The following BCL2L13 variants were observed in gnomAD, a reference collection of about 807,000 sequenced individuals.
BCL2L13 encodes the protein bcl-2-like protein 13.
BCL2L13 carries 13 observed loss-of-function variants against 25.8 expected under a neutral mutation model. That is an observed-to-expected ratio of 0.50 (90% CI 0.33 to 0.80). The LOEUF (loss-of-function observed/expected upper bound fraction) is 0.80. BCL2L13 is among the 30% of genes least tolerant of loss of function. The pLI, the probability that BCL2L13 is intolerant of heterozygous loss-of-function variation, is 0.02. For synonymous variants in BCL2L13, 244 were observed against 230.3 expected, an observed-to-expected ratio of 1.06 and a Z score of -0.54; for missense variants, 504 against 574.9, an observed-to-expected ratio of 0.88 and a Z score of 1.26.
chr22:17,652,085 G>A (rs900296347), intron 1 of BCL2L13, among the ~76,000 whole-genome samples: 8 of 152,126 alleles, frequency 5.3e-5, no homozygotes, highest in Non-Finnish European at 1.5e-5. Context: ...CTCAACTTAT[G>A]GTGGGGTTAC....
intron 6 of BCL2L13, among the ~76,000 whole-genome samples, chr22:17,722,015 A>G (rs1324221924): frequency 6.6e-6 from 1 of 152,186 alleles, no homozygotes; most frequent in Non-Finnish European, 1.5e-5. Flanking sequence ...GAAATAACTC[A>G]TAATGGTTTG....
intron 2 of BCL2L13, among the ~76,000 whole-genome samples, chr22:17,676,709 TATA>T (rs567915506): frequency 1.3e-5 from 2 of 152,196 alleles, no homozygotes; most frequent in Non-Finnish European, 2.9e-5. Flanking sequence ...CTTGTGCAGT[TATA>T]TTAATCAGTG....
At chr22:17,681,302 C>G (rs1365120133) in intron 2 of BCL2L13, among the ~76,000 whole-genome samples, 1 of 151,846 alleles carries the variant, frequency 6.6e-6, no homozygotes, top group Admixed American at 6.6e-5. Context: ...GCCAGGAGAT[C>G]GAGACCATCC....
At chr22:17,700,735 G>A (rs574087135) in intron 5 of BCL2L13, among the ~76,000 whole-genome samples, 67 of 152,292 alleles carry the variant, frequency 4.4e-4, no homozygotes, top group African/African-American at 1.6e-3. Flanking sequence ...TGTTAAGAAG[G>A]AGTTTTCAAT....
chr22:17,669,933 GT>G (rs1374602178), intron 2 of BCL2L13, among the ~76,000 whole-genome samples: 1 of 152,242 alleles, frequency 6.6e-6, no homozygotes, highest in South Asian at 2.1e-4. Context: ...AAACTATCCA[GT>G]TTCAGGTATT....
At chr22:17,662,825 TAAAAATA>T (rs1475029279) in intron 2 of BCL2L13, among the ~76,000 whole-genome samples, 1 of 152,086 alleles carries the variant, frequency 6.6e-6, no homozygotes. Flanking sequence ...AAAATAAAAA[TAAAAATA>T]AAATAAATAA....
chr22:17,641,945 G>A (rs1471555856), intron 1 of BCL2L13, among the ~76,000 whole-genome samples: 1 of 151,366 alleles, frequency 6.6e-6, no homozygotes. Context: ...GACTACAGGC[G>A]CCCGCCACCA....
intron 4 of BCL2L13, among the ~76,000 whole-genome samples, chr22:17,691,372 C>A (rs73378738): frequency 6.6e-6 from 1 of 152,066 alleles, no homozygotes; most frequent in Non-Finnish European, 1.5e-5. Context: ...CCTGGCTGGG[C>A]GCGGTGGCTC....
chr22:17,684,774 C>G (rs1568970394), intron 3 of BCL2L13: 2 of 353,592 alleles, frequency 5.7e-6, no homozygotes, highest in Non-Finnish European at 1.1e-5. Context: ...GGCTCTTTGC[C>G]CAGGCTGGAG....
intron 6 of BCL2L13, among the ~76,000 whole-genome samples, chr22:17,710,557 G>C (rs1217244989): frequency 6.6e-6 from 1 of 151,924 alleles, no homozygotes; most frequent in South Asian, 2.1e-4. Context: ...TCCAGCCTGG[G>C]TGACAGAGCA....
At chr22:17,707,277 ATTAC>A (rs894298197) in intron 6 of BCL2L13, among the ~76,000 whole-genome samples, 4 of 152,090 alleles carry the variant, frequency 2.6e-5, no homozygotes, top group Admixed American at 2.6e-4. Context: ...TGGGTGGAAA[ATTAC>A]TTCTCTGTAA....
chr22:17,671,494 G>A (rs1000311934), intron 2 of BCL2L13, among the ~76,000 whole-genome samples: 3 of 151,438 alleles, frequency 2.0e-5, no homozygotes, highest in Admixed American at 6.6e-5. Context: ...TTGAACCTGG[G>A]CAGCAGAGGT....
chr22:17,673,361 CTTTT>C (rs35861622), intron 2 of BCL2L13, among the ~76,000 whole-genome samples: 12 of 115,466 alleles, frequency 1.0e-4, no homozygotes, highest in South Asian at 2.7e-4. Context: ...TCTTTTCTTT[CTTTT>C]TTTTTTTTTT....
At chr22:17,670,307 T>G (rs2059375832) in intron 2 of BCL2L13, among the ~76,000 whole-genome samples, 1 of 151,988 alleles carries the variant, frequency 6.6e-6, no homozygotes, top group Admixed American at 6.6e-5. Flanking sequence ...AAAACAGAGT[T>G]GGAATTTTGA....
intron 4 of BCL2L13, among the ~76,000 whole-genome samples, chr22:17,689,725 C>T (rs760343066): frequency 1.9e-4 from 29 of 151,766 alleles, no homozygotes; most frequent in Non-Finnish European, 3.8e-4. Flanking sequence ...TGCCTCTAGT[C>T]CCAGCTACTC....
At chr22:17,719,459 G>C (rs1325875290) in intron 6 of BCL2L13, among the ~76,000 whole-genome samples, 1 of 152,096 alleles carries the variant, frequency 6.6e-6, no homozygotes, top group African/African-American at 2.4e-5. Context: ...ACAAAAACTA[G>C]TACATGGACA....
At chr22:17,654,230 G>A (rs952140265) in intron 1 of BCL2L13, among the ~76,000 whole-genome samples, 8 of 149,354 alleles carry the variant, frequency 5.4e-5, no homozygotes, top group African/African-American at 1.7e-4. Context: ...CTCAGCTTCT[G>A]AGTAGCTGGC....
At chr22:17,648,325 T>A (rs2058564650) in intron 1 of BCL2L13, among the ~76,000 whole-genome samples, 1 of 152,100 alleles carries the variant, frequency 6.6e-6, no homozygotes, top group African/African-American at 2.4e-5. Context: ...AATAGTGTTC[T>A]TGGGATCTGA....
chr22:17,693,376 T>A (rs7284418), intron 4 of BCL2L13, among the ~76,000 whole-genome samples: 9,925 of 75,934 alleles, frequency 0.13, 417 homozygotes, highest in Non-Finnish European at 0.16. Context: ...GTGTTTGTTT[T>A]TTTTTTTTTT....
Sources: gnomAD v4.1 joint callset for allele counts (sites outside exome capture counted in the v4.1 genomes callset) on GRCh38, gnomAD v4.1.1 for gene constraint, MANE v1.5 for transcripts, NCBI Gene and HGNC (gene_info 2026-07-23, HGNC 2026-07-21) for gene names.